Variants in BRAF observed in about 807,000 individuals in gnomAD.
BRAF encodes serine/threonine-protein kinase B-raf.
In BRAF, 16 loss-of-function variants were observed where a neutral mutation model predicts 104.6. The ratio of observed to expected loss-of-function variants is 0.15; its 90% CI spans 0.10 to 0.23. The LOEUF (loss-of-function observed/expected upper bound fraction) is 0.23, where lower values mean the gene tolerates loss of function less well. BRAF is among the 10% of genes least tolerant of loss of function. The pLI is 1.00. For missense variants in BRAF, 541 were observed against 937.3 expected, an observed-to-expected ratio of 0.58 and a Z score of 5.52; for synonymous variants, 310 against 341.6, an observed-to-expected ratio of 0.91 and a Z score of 1.02.
chr7:140,750,765 A>T (rs1403395921), intron 16 of BRAF, among the ~76,000 whole-genome samples: 1 of 150,922 alleles, frequency 6.6e-6, no homozygotes, highest in African/African-American at 2.5e-5. Context: ...TTTTTGTGAG[A>T]GATGGAGTAG....
chr7:140,811,428 G>T (rs971755638), intron 3 of BRAF, among the ~76,000 whole-genome samples: 14 of 152,150 alleles, frequency 9.2e-5, no homozygotes, highest in African/African-American at 3.4e-4. Context: ...GGAGGGCTAG[G>T]GGACTCTCAG....
At chr7:140,879,286 A>G (rs1057257448) in intron 1 of BRAF, among the ~76,000 whole-genome samples, 2 of 151,752 alleles carry the variant, frequency 1.3e-5, no homozygotes. Flanking sequence ...GGTTCAAAAG[A>G]GTCTCCTGCC....
At chr7:140,742,308 C>T (rs897640294) in intron 17 of BRAF, among the ~76,000 whole-genome samples, 2 of 152,004 alleles carry the variant, frequency 1.3e-5, no homozygotes, top group Non-Finnish European at 2.9e-5. Context: ...TCTACTGCCT[C>T]AGCCTCCCAA....
chr7:140,868,131 G>A (rs1229318161), intron 1 of BRAF, among the ~76,000 whole-genome samples: 1 of 152,172 alleles, frequency 6.6e-6, no homozygotes, highest in African/African-American at 2.4e-5. Context: ...CACAGCCAAA[G>A]TTAGTGCAGT....
intron 3 of BRAF, among the ~76,000 whole-genome samples, chr7:140,829,027 C>T (rs996427935): frequency 1.1e-4 from 17 of 152,128 alleles, no homozygotes; most frequent in African/African-American, 3.1e-4. Context: ...TCATCTTATA[C>T]GAACTGCCTA....
intron 14 of BRAF, among the ~76,000 whole-genome samples, chr7:140,754,730 T>C (rs933423719): frequency 1.3e-5 from 2 of 152,190 alleles, no homozygotes; most frequent in African/African-American, 4.8e-5. Flanking sequence ...TCAACTTATG[T>C]AGTAATTATC....
At position 140,801,450 on chromosome 7, in the gene BRAF, T is replaced by G. The variant is rs779713260; in HGVS notation, c.822A>C (p.Thr274=). ...CGYKFHQRCS[T]EVPLMCVNYD... ...AATTAACACACATCAGTGGAACTTCTGTACTACAACGCTGGTGAAATTTAT... is the reference window on the plus strand; with the variant it reads ...AATTAACACACATCAGTGGAACTTCGGTACTACAACGCTGGTGAAATTTAT... Residue 274 remains threonine (T), a synonymous_variant, in exon 6 of 20, where the codon ACA becomes ACC. Transcript: ENST00000644969. The G allele has an allele frequency of 2.5e-6, 4 of 1,614,010 alleles. No homozygotes were observed. In the Admixed American group the frequency reaches 6.7e-5, roughly 27 times the overall value.
chr7:140,920,289 G>C (rs1818077450), intron 1 of BRAF, among the ~76,000 whole-genome samples: 1 of 152,174 alleles, frequency 6.6e-6, no homozygotes. Context: ...CTGCAGTTCT[G>C]AAAGAGAAAA....
At chr7:140,787,056 C>T (rs1257661624) in intron 9 of BRAF, among the ~76,000 whole-genome samples, 2 of 152,096 alleles carry the variant, frequency 1.3e-5, no homozygotes, top group Non-Finnish European at 2.9e-5. Context: ...AATCCCAGCA[C>T]TTTGGGAGGC....
intron 6 of BRAF, 106 bp downstream of exon 6, chr7:140,801,306 C>T (rs1803085115): frequency 4.6e-6 from 6 of 1,297,346 alleles, no homozygotes; most frequent in Non-Finnish European, 5.4e-6. Context: ...CTATAACAAT[C>T]GTATGGAAGA....
At chr7:140,784,720 C>T (rs1801185676) in intron 10 of BRAF, among the ~76,000 whole-genome samples, 1 of 151,334 alleles carries the variant, frequency 6.6e-6, no homozygotes, top group Non-Finnish European at 1.5e-5. Context: ...TCTCGGCTCA[C>T]TGCAACCTCC....
chr7:140,910,479 C>T (rs1816845458), intron 1 of BRAF, among the ~76,000 whole-genome samples: 1 of 152,064 alleles, frequency 6.6e-6, no homozygotes, highest in South Asian at 2.1e-4. Flanking sequence ...TTTTTCCCCT[C>T]CAAATGAAAT....
At chr7:140,837,689 GC>G (rs1807490646) in intron 2 of BRAF, among the ~76,000 whole-genome samples, 1 of 152,106 alleles carries the variant, frequency 6.6e-6, no homozygotes, top group African/African-American at 2.4e-5. Context: ...TCACACTACT[GC>G]CTGAAAATCA....
chr7:140,812,632 C>T, intron 3 of BRAF, among the ~76,000 whole-genome samples: 1 of 152,186 alleles, frequency 6.6e-6, no homozygotes, highest in South Asian at 2.1e-4. Context: ...CTTAATTCCA[C>T]TTTTGTAGGC....
chr7:140,797,959 C>T (rs919134032), intron 7 of BRAF, among the ~76,000 whole-genome samples: 1 of 152,172 alleles, frequency 6.6e-6, no homozygotes, highest in Non-Finnish European at 1.5e-5. Flanking sequence ...CTGCTACAAC[C>T]TGACAAGAGA....
intron 2 of BRAF, among the ~76,000 whole-genome samples, chr7:140,847,947 T>G (rs1375736246): frequency 6.6e-6 from 1 of 152,184 alleles, no homozygotes; most frequent in African/African-American, 2.4e-5. Context: ...ACACACACAT[T>G]GTATACCACA....
chr7:140,908,053 C>T (rs1816533667), intron 1 of BRAF, among the ~76,000 whole-genome samples: 1 of 152,150 alleles, frequency 6.6e-6, no homozygotes, highest in Admixed American at 6.6e-5. Flanking sequence ...CCCTAAGTCA[C>T]TTTATAAGAG....
intron 3 of BRAF, among the ~76,000 whole-genome samples, chr7:140,830,729 A>T (rs1806635678): frequency 6.6e-6 from 1 of 152,124 alleles, no homozygotes; most frequent in African/African-American, 2.4e-5. Context: ...AAATCACTGA[A>T]ATGCAATGTT....
intron 19 of BRAF, chr7:140,734,575 T>C (rs1796220937): frequency 6.2e-7 from 1 of 1,613,558 alleles, no homozygotes. Flanking sequence ...GCTACTCTCC[T>C]GAACTCTCTC....
Sources: allele counts gnomAD v4.1 joint callset (sites outside exome capture counted in the v4.1 genomes callset), GRCh38; gene constraint gnomAD v4.1.1; transcripts MANE v1.5; gene names NCBI Gene and HGNC (gene_info 2026-07-23, HGNC 2026-07-21).